IL33: variants seen among roughly 807,000 people sequenced by gnomAD.
The protein encoded by IL33 is interleukin-33.
IL33 carries 37 observed loss-of-function variants against 27.3 expected under a neutral mutation model. That is an observed-to-expected ratio of 1.36 (90% CI 1.04 to 1.78). The LOEUF (loss-of-function observed/expected upper bound fraction) is 1.78. Ranked by LOEUF, IL33 falls within the 40% of genes most tolerant of loss-of-function variation. The pLI, the probability that IL33 is intolerant of heterozygous loss-of-function variation, is 0.00. For synonymous variants in IL33, 132 were observed against 102.9 expected, an observed-to-expected ratio of 1.28 and a Z score of -1.71; for missense variants, 406 against 311.4, an observed-to-expected ratio of 1.30 and a Z score of -2.29.
chr9:6,222,163 AT>A (rs1818441436), intron 1 of IL33, among the ~76,000 whole-genome samples: 1 of 152,194 alleles, frequency 6.6e-6, no homozygotes, highest in Non-Finnish European at 1.5e-5. Flanking sequence ...GGCTTATTTT[AT>A]TCAGATAAAT....
rs190220228 is a variant in IL33, at chr9:6,239,676, T to A, written c.-11-2008T>A. 5.9e-5 allele frequency among the ~76,000 whole-genome samples: 9 copies of A among 152,254 alleles called. No individual in the cohort carries two copies. The East Asian group carries it at 1.5e-3, about 26-fold the overall frequency. ...CTGCTCTAACCTCACCCTTGGTGTG[T>A]CCACCTTCCTTGATTTCCTCAGTTG... On this transcript the variant is annotated intron_variant, in intron 1 of 7. Transcript: ENST00000682010.
At chr9:6,236,200 G>A (rs138473355) in intron 1 of IL33, among the ~76,000 whole-genome samples, 70 of 152,200 alleles carry the variant, frequency 4.6e-4, no homozygotes, top group African/African-American at 1.6e-3. Flanking sequence ...GTAAAAGAAT[G>A]TTTCTAATAT....
chr9:6,252,894 T>TTCTC lies in IL33; in HGVS notation c.374_377dup (p.Thr128LysfsTer5). ...TTTCACCTATTACAGAGTATCTTGCTTCTCTAAGCACATACAATGATCAAT... is the reference window on the plus strand; with the variant it reads ...TTTCACCTATTACAGAGTATCTTGCTTCTCTCTCTAAGCACATACAATGATCAAT... On this transcript the variant is annotated frameshift_variant, in exon 5 of 8. Transcript: ENST00000682010. LOFTEE classifies it high-confidence loss of function. 6.2e-7 allele frequency: 1 copy of TTCTC among 1,610,190 alleles called. No individual in the cohort carries two copies. Among genetic ancestry groups the TTCTC allele is most frequent in the Non-Finnish European group, 8.5e-7 (1 of 1,177,922 alleles).
At chr9:6,224,187 G>T (rs1469074845) in intron 1 of IL33, among the ~76,000 whole-genome samples, 2 of 152,000 alleles carry the variant, frequency 1.3e-5, no homozygotes, top group Admixed American at 1.3e-4. Flanking sequence ...TCAGATGAAG[G>T]CTCCCAGAAC....
intron 2 of IL33, among the ~76,000 whole-genome samples, chr9:6,246,387 C>G (rs1461965825): frequency 6.6e-6 from 1 of 151,898 alleles, no homozygotes; most frequent in African/African-American, 2.4e-5. Context: ...CATGGTGAAA[C>G]CCCGTCTCTA....
At chr9:6,221,002 C>T (rs368096677) in intron 1 of IL33, among the ~76,000 whole-genome samples, 1 of 152,118 alleles carries the variant, frequency 6.6e-6, no homozygotes, top group East Asian at 1.9e-4. Context: ...AATCCTCCTG[C>T]CTCAGCCTCT....
Position 6,251,150 on chromosome 9 carries a change from C to T in IL33, c.228C>T (p.His76=), listed in dbSNP as rs1219200000. 3.7e-6 allele frequency: 6 copies of T among 1,613,648 alleles called. No individual in the cohort carries two copies. The highest frequency in any genetic ancestry group is 1.3e-5 in the African/African-American group (1 of 74,904). Residue 76 remains histidine (H), a synonymous_variant, in exon 4 of 8, where the codon CAC becomes CAT. Coordinates refer to ENST00000682010, the MANE Select transcript of IL33 (RefSeq NM_033439.4). The part of the protein sequence containing the change: ...KRPSLKTGRK[H]KRHLVLAACQ... Reference sequence around the variant, plus strand: ...CCATCCGGTCTGCAGGTAGAAAGCACAAAAGACATCTGGTACTCGCTGCCT... The same window carrying T: ...CCATCCGGTCTGCAGGTAGAAAGCATAAAAGACATCTGGTACTCGCTGCCT...
At chr9:6,218,681 T>C (rs910078105) in intron 1 of IL33, among the ~76,000 whole-genome samples, 3 of 133,316 alleles carry the variant, frequency 2.3e-5, no homozygotes, top group Admixed American at 7.5e-5. Flanking sequence ...TCCCCATATA[T>C]ATATGTTCTC....
At position 6,257,101 on chromosome 9, in the gene IL33, C is replaced by G. The variant is rs1816781162; in HGVS notation, c.*933C>G. On this transcript the variant is annotated 3_prime_UTR_variant, in exon 8 of 8. Coordinates refer to ENST00000682010, the MANE Select transcript of IL33 (RefSeq NM_033439.4). Reference sequence around the variant, plus strand: ...CTAACCTACCAGAGCCTAGATGAGACACCGAATTAACATTAAAATTTCAGT... The same window carrying G: ...CTAACCTACCAGAGCCTAGATGAGAGACCGAATTAACATTAAAATTTCAGT... 2 of 152,108 alleles carry G rather than the reference C, an allele frequency of 1.3e-5. No homozygotes were observed. Among genetic ancestry groups the G allele is most frequent in the Admixed American group, 1.3e-4 (2 of 15,254 alleles). 9.4% of individuals were successfully genotyped at this position (152,108 alleles called of 1,614,324 possible). A position where few individuals can be genotyped will look rare whatever the true frequency, so the allele number is the denominator to read the frequency against.
chr9:6,249,030 G>T (rs1816177312), intron 2 of IL33, among the ~76,000 whole-genome samples: 1 of 152,144 alleles, frequency 6.6e-6, no homozygotes, highest in Non-Finnish European at 1.5e-5. Context: ...TTTTCTTTAT[G>T]AATTATCTTT....
chr9:6,226,907 TG>T (rs1818662778), intron 1 of IL33, among the ~76,000 whole-genome samples: 1 of 152,222 alleles, frequency 6.6e-6, no homozygotes, highest in South Asian at 2.1e-4. Flanking sequence ...GAATGTTTGG[TG>T]GTTTGTGTAG....
chr9:6,223,003 A>C (rs531010487), intron 1 of IL33, among the ~76,000 whole-genome samples: 1 of 152,188 alleles, frequency 6.6e-6, no homozygotes, highest in Admixed American at 6.6e-5. Context: ...TAAAACAAAT[A>C]CCTGTGTATT....
At chr9:6,245,671 T>C (rs1226186813) in intron 2 of IL33, among the ~76,000 whole-genome samples, 1 of 152,260 alleles carries the variant, frequency 6.6e-6, no homozygotes, top group South Asian at 2.1e-4. Flanking sequence ...ATTTCAGATA[T>C]ATTCAGAAGG....
At chr9:6,253,096 A>G in intron 5 of IL33, 105 bp downstream of exon 5, 2 of 797,154 alleles carry the variant, frequency 2.5e-6, no homozygotes, top group Non-Finnish European at 3.8e-6. Flanking sequence ...TAGACATGGC[A>G]AACAGGTCAT....
At chr9:6,255,676 T>C (rs1474349593) in intron 7 of IL33, among the ~76,000 whole-genome samples, 2 of 152,094 alleles carry the variant, frequency 1.3e-5, no homozygotes, top group Non-Finnish European at 1.5e-5. Context: ...ATCTCAGAGA[T>C]AGTACATGTC....
chr9:6,253,113 T>C, intron 5 of IL33, 122 bp downstream of exon 5: 1 of 683,516 alleles, frequency 1.5e-6, no homozygotes, highest in East Asian at 2.9e-5. Context: ...TCATGCTGTG[T>C]GCTAACTCTA....
intron 2 of IL33, among the ~76,000 whole-genome samples, chr9:6,243,135 A>C (rs987650274): frequency 6.6e-6 from 1 of 152,174 alleles, no homozygotes; most frequent in African/African-American, 2.4e-5. Flanking sequence ...ATCAAATTTC[A>C]ACAGGAGACT....
chr9:6,244,264 A>G (rs1266153262), intron 2 of IL33, among the ~76,000 whole-genome samples: 1 of 152,166 alleles, frequency 6.6e-6, no homozygotes, highest in Non-Finnish European at 1.5e-5. Flanking sequence ...ATGGCTTTAC[A>G]AATACATCAC....
intron 1 of IL33, among the ~76,000 whole-genome samples, chr9:6,230,899 CTT>C (rs1295498264): frequency 6.6e-6 from 1 of 152,162 alleles, no homozygotes; most frequent in East Asian, 1.9e-4. Flanking sequence ...GGCTTTGCTA[CTT>C]CTTACCTATG....
Sources: gnomAD v4.1 joint callset for allele counts (sites outside exome capture counted in the v4.1 genomes callset) on GRCh38, gnomAD v4.1.1 for gene constraint, MANE v1.5 for transcripts, NCBI Gene and HGNC (gene_info 2026-07-23, HGNC 2026-07-21) for gene names.